RYR1: variants seen among roughly 807,000 people sequenced by gnomAD.
RYR1 encodes the protein central core disease of muscle.
In RYR1, 342 loss-of-function variants were observed where a neutral mutation model predicts 583.5. The ratio of observed to expected loss-of-function variants is 0.59; its 90% confidence interval spans 0.54 to 0.64. The LOEUF (loss-of-function observed/expected upper bound fraction) is 0.64. Among genes scored for constraint, RYR1 ranks in the 30% least tolerant of loss-of-function variants. RYR1 has a pLI of 0.00. For missense variants in RYR1, 6,032 were observed against 6,917.2 expected (o/e 0.87, Z 4.54); for synonymous variants, 2,791 against 2,822.5 (o/e 0.99, Z 0.35).
Position 38,575,231 on chromosome 19 carries a change from C to T in RYR1, c.14130-688C>T, listed in dbSNP as rs76515242. 2.7e-3 allele frequency among the ~76,000 whole-genome samples: 408 copies of T among 152,284 alleles called. 1 individual carries two copies. Among genetic ancestry groups the T allele is most frequent in the African/African-American group, 9.4e-3 (392 of 41,560 alleles). The stretch of plus-strand genomic sequence containing the variant: ...TTTTGGACTCCTCCCCACCCATCAC[C>T]ACGCCAGAGCCTCTTTATCAGAGTG... On this transcript the variant is annotated intron_variant, in intron 96 of 105. Transcript: ENST00000359596.
intron 20 of RYR1, among the ~76,000 whole-genome samples, chr19:38,461,658 C>T (rs373398180): frequency 1.4e-5 from 2 of 141,008 alleles, no homozygotes; most frequent in East Asian, 4.2e-4. Context: ...CCCAGGGATT[C>T]GAGGCTGCAG....
chr19:38,438,116 C>T (rs1420641505), intron 1 of RYR1, among the ~76,000 whole-genome samples: 1 of 151,850 alleles, frequency 6.6e-6, no homozygotes, highest in Non-Finnish European at 1.5e-5. Context: ...CCCTCAACAC[C>T]CCAGCACCCA....
In RYR1 at chr19:38,469,205, GC is replaced by G. The variant is rs1968284758; in HGVS notation, c.3556+68del. On this transcript the variant is annotated intron_variant, in intron 26 of 105. Coordinates refer to ENST00000359596, the MANE Select transcript of RYR1 (RefSeq NM_000540.3). The stretch of plus-strand genomic sequence containing the variant: ...CCTCTGTCTCTCCCAACCCTGCACT[GC>G]CCTTCTGCCTCCAACTCTCCCATCC... 4 of 1,607,814 alleles carry G rather than the reference GC, an allele frequency of 2.5e-6. No individual in the cohort carries two copies. The Admixed American group carries it at 6.7e-5, about 27-fold the overall frequency.
chr19:38,463,927 G>A, intron 22 of RYR1, 77 bp downstream of exon 22: 1 of 1,084,668 alleles, frequency 9.2e-7, no homozygotes, highest in Non-Finnish European at 1.4e-6. Flanking sequence ...AGACAGGGCA[G>A]GAGGTAGAGA....
chr19:38,581,241 C>A (rs1392194711), intron 101 of RYR1, among the ~76,000 whole-genome samples: 4 of 152,122 alleles, frequency 2.6e-5, no homozygotes, highest in Admixed American at 2.0e-4. Context: ...CCACGCCTGG[C>A]AAATTTTTTG....
At chr19:38,584,200 C>T (rs932442841) in intron 101 of RYR1, among the ~76,000 whole-genome samples, 2 of 151,782 alleles carry the variant, frequency 1.3e-5, no homozygotes, top group Admixed American at 6.6e-5. Context: ...TGTGCCTCCC[C>T]ACCCCAGCCT....
chr19:38,549,496 G>A (rs1211018386), intron 89 of RYR1, among the ~76,000 whole-genome samples: 1 of 152,042 alleles, frequency 6.6e-6, no homozygotes, highest in Non-Finnish European at 1.5e-5. Flanking sequence ...CTGGAATATG[G>A]TGAGTCCTCA....
In RYR1 at chr19:38,543,675, C is replaced by A; in HGVS notation, c.11907+15C>A. On this transcript the variant is annotated intron_variant, in intron 86 of 105. Coordinates refer to ENST00000359596, the MANE Select transcript of RYR1 (RefSeq NM_000540.3). The surrounding 1 kb of genome is among the most constrained non-coding windows in gnomAD (Gnocchi z 4.4). ...AGTACATCCAGGTAGGGCGCTCCCC[C>A]TGGGGCGGGAGTGGGAAGGGAGGGG... The A allele has an allele frequency of 1.1e-5, 17 of 1,613,238 alleles. No individual in the cohort carries two copies. Among genetic ancestry groups the A allele is most frequent in the Non-Finnish European group, 1.4e-5 (17 of 1,180,004 alleles).
intron 1 of RYR1, among the ~76,000 whole-genome samples, chr19:38,438,361 A>G (rs2145309546): frequency 6.7e-6 from 1 of 149,312 alleles, no homozygotes; most frequent in South Asian, 2.1e-4. Context: ...CTCCACCATG[A>G]GGATTTAAGC....
In RYR1 at chr19:38,561,105, G is replaced by A. The variant is rs368860191; in HGVS notation, c.12283-8G>A. ...GGTCACCCCACTGACCTCCCTGCCCGCCCCCAGGCCATGGACAGCCAGAAG... is the reference window on the plus strand; with the variant it reads ...GGTCACCCCACTGACCTCCCTGCCCACCCCCAGGCCATGGACAGCCAGAAG... On this transcript the variant is annotated splice_region_variant and splice_polypyrimidine_tract_variant and intron_variant, in intron 89 of 105. Coordinates refer to ENST00000359596, the MANE Select transcript of RYR1 (RefSeq NM_000540.3). This position sits in a 1 kb window ranked among gnomAD's most constrained non-coding sequence, Gnocchi z 4.8. 14 of 1,606,534 alleles carry A rather than the reference G, an allele frequency of 8.7e-6. No individual in the cohort carries two copies. Among genetic ancestry groups the A allele is most frequent in the Non-Finnish European group, 1.1e-5 (13 of 1,175,200 alleles).
chr19:38,455,695 G>T lies in RYR1; in HGVS notation c.1735G>T (p.Glu579Ter). The T allele has an allele frequency of 6.2e-7, 1 of 1,614,006 alleles. No homozygotes were observed. The stretch of plus-strand genomic sequence containing the variant: ...TCCAGAGGTTCTGAACATCATCCAG[G>T]AGAATCACATCAAGTCCATCATCTC... ...ESPEVLNIIQ[E>*]NHIKSIISLL... The change falls in exon 16 of 106, where the codon GAG becomes TAG. Residue 579 changes from glutamate (E) to a stop codon, truncating the protein, a stop_gained. Coordinates refer to ENST00000359596, the MANE Select transcript of RYR1 (RefSeq NM_000540.3). LOFTEE classifies it high-confidence loss of function.
Position 38,494,608 on chromosome 19 carries a change from C to G in RYR1, c.6531C>G (p.Leu2177=), listed in dbSNP as rs749542761. 1 of 1,614,128 alleles carries G rather than the reference C, an allele frequency of 6.2e-7. No homozygotes were observed. The highest frequency in any genetic ancestry group is 8.5e-7 in the Non-Finnish European group (1 of 1,180,032). The change falls in exon 39 of 106, where the codon CTC becomes CTG. Residue 2177 remains leucine (L), a synonymous_variant. Coordinates refer to ENST00000359596, the MANE Select transcript of RYR1 (RefSeq NM_000540.3). The part of the protein sequence containing the change: ...IVQMGPQEEN[L]MIQSIGNIMN... ...AGATGGGCCCCCAGGAGGAGAACCT[C>G]ATGATCCAGAGCATCGGGTGAGACA...
chr19:38,504,344 ACT>A lies in RYR1; in HGVS notation c.8056_8057del (p.Leu2686GlyfsTer3). 3 of 1,613,876 alleles carry A rather than the reference ACT, an allele frequency of 1.9e-6. No homozygotes were observed. The highest frequency in any genetic ancestry group is 2.2e-5 in the South Asian group (2 of 91,066). ...CGGAAACTCTTCTGGGGCATCTTTG[ACT>A]CTCTGGCCCATAAGGTCTGGGCAGC... On this transcript the variant is annotated frameshift_variant, in exon 50 of 106. Coordinates refer to ENST00000359596, the MANE Select transcript of RYR1 (RefSeq NM_000540.3). LOFTEE classifies it high-confidence loss of function.
At chr19:38,461,922 G>A (rs1351551053) in intron 20 of RYR1, among the ~76,000 whole-genome samples, 1 of 151,972 alleles carries the variant, frequency 6.6e-6, no homozygotes, top group African/African-American at 2.4e-5. Flanking sequence ...AGGCATGGTG[G>A]CAGGCACCTG....
rs1377485711 is a variant in RYR1 at position 38,549,658 on chromosome 19, C to T, written c.12282+1238C>T. ...TTCACCCACATTGCCCAAATGTTTT[C>T]TATTTACTATTTACTCCATCATGAT... On this transcript the variant is annotated intron_variant, in intron 89 of 105. Transcript: ENST00000359596. Among the ~76,000 whole-genome samples, 12 of 139,596 alleles carry T rather than the reference C, an allele frequency of 8.6e-5. No individual in the cohort carries two copies. In the East Asian group the frequency reaches 2.4e-3, roughly 27 times the overall value. 91.6% of individuals were successfully genotyped at this position (139,596 alleles called of 152,430 possible).
chr19:38,463,803 A>G lies in RYR1; in HGVS notation c.2739A>G (p.Pro913=). 6.2e-7 allele frequency: 1 copy of G among 1,614,102 alleles called. No homozygotes were observed. The highest frequency in any genetic ancestry group is 8.5e-7 in the Non-Finnish European group (1 of 1,180,020). ...HPCLVDFHSL[P]EPERNYNLQM... ...GTCTTGTGGACTTCCACAGCCTTCCAGAGCCTGAGAGGAACTACAACCTGC... is the reference window on the plus strand; with the variant it reads ...GTCTTGTGGACTTCCACAGCCTTCCGGAGCCTGAGAGGAACTACAACCTGC... The change falls in exon 22 of 106, where the codon CCA becomes CCG. Residue 913 remains proline (P), a synonymous_variant. Coordinates refer to ENST00000359596, the MANE Select transcript of RYR1 (RefSeq NM_000540.3).
At chr19:38,469,283 C>A (rs1968290719) in intron 26 of RYR1, 22 bp from the exon 27 acceptor site, 1 of 1,613,014 alleles carries the variant, frequency 6.2e-7, no homozygotes, top group Non-Finnish European at 8.5e-7. Context: ...CTCACCCCTG[C>A]CCATCCATCC....
chr19:38,566,735 G>A (rs958222037), intron 91 of RYR1, among the ~76,000 whole-genome samples, 176 bp from the exon 92 acceptor site: 13 of 152,176 alleles, frequency 8.5e-5, no homozygotes, highest in African/African-American at 2.9e-4. Flanking sequence ...ACCTCGATGA[G>A]CCTCAGTTTC....
At position 38,478,537 on chromosome 19, in the gene RYR1, G is replaced by A. The variant is rs199988678; in HGVS notation, c.4557G>A (p.Val1519=). The stretch of plus-strand genomic sequence containing the variant: ...CGGACCTTGTCATTGGGTGCCTGGT[G>A]GACTTGGCCACTGGCTTAATGACCT... ...SHTDLVIGCL[V]DLATGLMTFT... is the part of the protein sequence containing the mutation. The change falls in exon 31 of 106, where the codon GTG becomes GTA. Residue 1519 remains valine, a synonymous_variant. Transcript: ENST00000359596. The A allele has an allele frequency of 6.2e-7, 1 of 1,614,134 alleles. No homozygotes were observed. The highest frequency in any genetic ancestry group is 2.2e-5 in the East Asian group (1 of 44,884).
Sources: gnomAD v4.1 joint callset for allele counts (sites outside exome capture counted in the v4.1 genomes callset) on GRCh38, gnomAD v4.1.1 for gene constraint, Gnocchi (gnomAD v3.1) non-coding constraint, MANE v1.5 for transcripts, NCBI Gene and HGNC (gene_info 2026-07-23, HGNC 2026-07-21) for gene names.